CLVS2: variants seen among roughly 807,000 people sequenced by gnomAD.
CLVS2 encodes the protein clavesin 2.
A neutral mutation model predicts 29.0 loss-of-function variants in CLVS2; 19 were observed. The ratio of observed to expected loss-of-function variants is 0.66; its 90% confidence interval spans 0.46 to 0.96. CLVS2 has a LOEUF of 0.96. CLVS2 is among the 40% of genes least tolerant of loss of function. The pLI is 0.00. For synonymous variants in CLVS2, 161 were observed against 151.3 expected (o/e 1.06, Z -0.47); for missense variants, 294 against 404.1 (o/e 0.73, Z 2.34).
chr6:123,022,540 T>C (rs1774939006), intron 3 of CLVS2, among the ~76,000 whole-genome samples: 1 of 152,050 alleles, frequency 6.6e-6, no homozygotes. Flanking sequence ...AATTGTTGTA[T>C]GGTGATGATA....
intron 2 of CLVS2, among the ~76,000 whole-genome samples, chr6:122,999,894 A>G (rs1774563951): frequency 6.6e-6 from 1 of 152,286 alleles, no homozygotes; most frequent in Admixed American, 6.5e-5. Flanking sequence ...TGTAAACCTA[A>G]TTAAGATGAA....
intron 5 of CLVS2, among the ~76,000 whole-genome samples, chr6:123,057,779 C>G (rs979374455): frequency 6.6e-6 from 1 of 152,082 alleles, no homozygotes; most frequent in African/African-American, 2.4e-5. Context: ...CTCTAATTTT[C>G]CACTAGTTAG....
chr6:123,048,571 C>G, intron 3 of CLVS2, 51 bp from the exon 4 acceptor site: 1 of 1,214,806 alleles, frequency 8.2e-7, no homozygotes, highest in South Asian at 1.2e-5. Context: ...CCTAAACCTT[C>G]TCAGTCTATT....
chr6:123,003,379 T>G (rs1331901623), intron 2 of CLVS2, among the ~76,000 whole-genome samples: 1 of 152,234 alleles, frequency 6.6e-6, no homozygotes, highest in Non-Finnish European at 1.5e-5. Context: ...AAGTTATCCT[T>G]AGTAAATTAA....
chr6:122,997,606 A>C lies in CLVS2; in HGVS notation c.-172A>C. The C allele has an allele frequency of 1.5e-6, 1 of 658,124 alleles. No homozygotes were observed. The highest frequency in any genetic ancestry group is 2.6e-6 in the Non-Finnish European group (1 of 383,814). The allele number at this position is 658,124 out of a possible 1,614,324, so 40.8% of individuals were successfully genotyped here. On this transcript the variant is annotated 5_prime_UTR_variant, in exon 2 of 6. Transcript: ENST00000275162. ...GGCCCCCCCAGCTTTGCTGGGGGAA[A>C]GCAGGAGCAACAGGGCACTTGATTG...
chr6:123,028,478 A>G (rs1252496246), intron 3 of CLVS2, among the ~76,000 whole-genome samples: 4 of 152,180 alleles, frequency 2.6e-5, no homozygotes, highest in Non-Finnish European at 5.9e-5. Flanking sequence ...TGGGCAGCAT[A>G]GTGAGAACTT....
rs74791869 is a variant in CLVS2, at chr6:123,010,336, G to A, written c.390-649G>A. Among the ~76,000 whole-genome samples, 950 of 152,020 alleles carry A rather than the reference G, an allele frequency of 6.2e-3. 14 individuals carry two copies. Among genetic ancestry groups the A allele is most frequent in the African/African-American group, 0.021 (889 of 41,512 alleles). ...ACTGGAACGTTTCAGGAACTAACCT[G>A]CTAAGGTGAAAAGCAGAAAACAAAA... is the stretch of plus-strand genomic sequence containing the variant. On this transcript the variant is annotated intron_variant, in intron 2 of 5. Coordinates refer to ENST00000275162, the MANE Select transcript of CLVS2 (RefSeq NM_001010852.4).
intron 3 of CLVS2, among the ~76,000 whole-genome samples, chr6:123,025,214 G>A (rs1045530091): frequency 2.0e-5 from 3 of 152,146 alleles, no homozygotes; most frequent in Non-Finnish European, 4.4e-5. Flanking sequence ...ATCAATATCC[G>A]GGGACCTGGA....
In CLVS2 at chr6:123,072,295, T is replaced by C. The variant is rs1772962056; in HGVS notation, c.*8534T>C. On this transcript the variant is annotated 3_prime_UTR_variant, in exon 6 of 6. Transcript: ENST00000275162. The stretch of plus-strand genomic sequence containing the variant: ...ATATAACCTGAAATATAAGAATAGA[T>C]GTTTGAAACTGTTTCAGAAGTTAAC... 1 of 152,110 alleles carries C rather than the reference T, an allele frequency of 6.6e-6. No homozygotes were observed. The highest frequency in any genetic ancestry group is 1.5e-5 in the Non-Finnish European group (1 of 67,966). 9.4% of individuals were successfully genotyped at this position (152,110 alleles called of 1,614,324 possible).
At position 123,047,891 on chromosome 6, in the gene CLVS2, C is replaced by G. The variant is rs74596573; in HGVS notation, c.565-731C>G. Among the ~76,000 whole-genome samples, 37 of 152,138 alleles carry G rather than the reference C, an allele frequency of 2.4e-4. 2 individuals carry two copies. The East Asian group carries it at 7.2e-3, about 29-fold the overall frequency. On this transcript the variant is annotated intron_variant, in intron 3 of 5. Coordinates refer to ENST00000275162, the MANE Select transcript of CLVS2 (RefSeq NM_001010852.4). Reference sequence around the variant, plus strand: ...TTGCCATTCATTTGGGTTAAGGGTTCCCTTCATATTTTGGAATGGGCTAGG... The same window carrying G: ...TTGCCATTCATTTGGGTTAAGGGTTGCCTTCATATTTTGGAATGGGCTAGG...
At chr6:123,019,959 C>G (rs1338597498) in intron 3 of CLVS2, among the ~76,000 whole-genome samples, 1 of 41,870 alleles carries the variant, frequency 2.4e-5, no homozygotes, top group Non-Finnish European at 4.1e-5. Context: ...GAGTGAGACT[C>G]TTACTCTGCC....
Position 122,997,595 on chromosome 6 carries a change from T to C in CLVS2, c.-183T>C, listed in dbSNP as rs541994725. On this transcript the variant is annotated 5_prime_UTR_variant, in exon 2 of 6. Transcript: ENST00000275162. ...TTACACCCCCCGGCCCCCCCAGCTT[T>C]GCTGGGGGAAAGCAGGAGCAACAGG... 47 of 628,656 alleles carry C rather than the reference T, an allele frequency of 7.5e-5. No individual in the cohort carries two copies. In the Admixed American group the frequency reaches 1.4e-3, roughly 18 times the overall value. The allele number at this position is 628,656 out of a possible 1,614,324, so 38.9% of individuals were successfully genotyped here.
In CLVS2 at chr6:123,063,803, A is replaced by T. The variant is rs549954026; in HGVS notation, c.*42A>T. ...CCTTCATGGATTAGAAATGGAAAGT[A>T]TTGGTTTTCAGCAACAGGGACAACA... is the stretch of plus-strand genomic sequence containing the variant. On this transcript the variant is annotated 3_prime_UTR_variant, in exon 6 of 6. Transcript: ENST00000275162. 1.5e-6 allele frequency: 2 copies of T among 1,378,618 alleles called. No individual in the cohort carries two copies. The highest frequency in any genetic ancestry group is 4.6e-5 in the East Asian group (2 of 43,572). 85.4% of individuals were successfully genotyped at this position (1,378,618 alleles called of 1,614,324 possible). A position where few individuals can be genotyped will look rare whatever the true frequency, so the allele number is the denominator to read the frequency against.
chr6:122,996,579 C>G lies in CLVS2; in HGVS notation c.-727C>G, dbSNP rs1312891609. 4.6e-5 allele frequency: 7 copies of G among 153,276 alleles called. No homozygotes were observed. In the East Asian group the frequency reaches 1.2e-3, roughly 26 times the overall value. 9.5% of individuals were successfully genotyped at this position (153,276 alleles called of 1,614,324 possible). The stretch of plus-strand genomic sequence containing the variant: ...CGGACGATGTGGCCGCGGCTGCTCC[C>G]GAGCGCATCTTCGGCCCGGGTCCCC... On this transcript the variant is annotated 5_prime_UTR_variant, in exon 1 of 6. Transcript: ENST00000275162.
chr6:123,027,868 T>G (rs1775026382), intron 3 of CLVS2, among the ~76,000 whole-genome samples: 1 of 152,190 alleles, frequency 6.6e-6, no homozygotes, highest in Admixed American at 6.6e-5. Flanking sequence ...TTGAGAAGGT[T>G]TATATTTGCA....
chr6:123,056,678 A>G (rs1772697762), intron 5 of CLVS2, among the ~76,000 whole-genome samples: 1 of 152,152 alleles, frequency 6.6e-6, no homozygotes, highest in South Asian at 2.1e-4. Flanking sequence ...GCCTTAGGCC[A>G]AGTAGGTGGA....
At chr6:123,047,407 TTTA>T (rs1289612370) in intron 3 of CLVS2, among the ~76,000 whole-genome samples, 5 of 152,164 alleles carry the variant, frequency 3.3e-5, no homozygotes, top group Non-Finnish European at 7.4e-5. Flanking sequence ...CTTAAGCTAT[TTTA>T]TTATTTGTTG....
rs990680046 is a variant in CLVS2 at position 123,070,947 on chromosome 6, A to G, written c.*7186A>G. 2 of 151,888 alleles carry G rather than the reference A, an allele frequency of 1.3e-5. No individual in the cohort carries two copies. Among genetic ancestry groups the G allele is most frequent in the Non-Finnish European group, 2.9e-5 (2 of 67,922 alleles). 9.4% of individuals were successfully genotyped at this position (151,888 alleles called of 1,614,324 possible). A position where few individuals can be genotyped will look rare whatever the true frequency, so the allele number is the denominator to read the frequency against. On this transcript the variant is annotated 3_prime_UTR_variant, in exon 6 of 6. Coordinates refer to ENST00000275162, the MANE Select transcript of CLVS2 (RefSeq NM_001010852.4). ...TTCTTCAGGTATTTGCTTAAATGTC[A>G]TCTTCTTTGTGAGGACTCTCTTTCC... is the stretch of plus-strand genomic sequence containing the variant.
intron 3 of CLVS2, among the ~76,000 whole-genome samples, chr6:123,030,160 T>A (rs773399707): frequency 2.0e-5 from 3 of 152,260 alleles, no homozygotes; most frequent in Non-Finnish European, 4.4e-5. Flanking sequence ...TATTTTCTTA[T>A]TTCTTTGAAA....
Sources: allele counts gnomAD v4.1 joint callset (sites outside exome capture counted in the v4.1 genomes callset), GRCh38; gene constraint gnomAD v4.1.1; transcripts MANE v1.5; gene names NCBI Gene and HGNC (gene_info 2026-07-23, HGNC 2026-07-21).